The following HDAC9 variants were observed in gnomAD, a reference collection of about 807,000 sequenced individuals.
HDAC9 encodes MEF-2 interacting transcription repressor (MITR) protein.
HDAC9 carries 41 observed loss-of-function variants against 139.4 expected under a neutral mutation model. The observed-to-expected ratio is 0.29, with a 90% CI of 0.23 to 0.38. HDAC9 has a LOEUF of 0.38. Ranked by LOEUF, HDAC9 falls within the 10% of genes least tolerant of loss-of-function variation. HDAC9 has a pLI of 1.00. For synonymous variants in HDAC9, 517 were observed against 476.2 expected (o/e 1.09, Z -1.12); for missense variants, 1,147 against 1,297.0 (o/e 0.88, Z 1.78).
In HDAC9 at chr7:18,999,641, G is replaced by T. The variant is rs1344746608; in HGVS notation, c.*3579G>T. On this transcript the variant is annotated 3_prime_UTR_variant, in exon 26 of 26. Coordinates refer to ENST00000686413, the MANE Select transcript of HDAC9 (RefSeq NM_178425.4). ...TTTAGTAGAGACGGGGTTTCTCCAT[G>T]TTGGTCAGGCTGGTCTCAAACTCCC... The T allele has an allele frequency of 6.6e-6, 1 of 152,110 alleles. No homozygotes were observed. Among genetic ancestry groups the T allele is most frequent in the Admixed American group, 6.6e-5 (1 of 15,260 alleles). 9.4% of individuals were successfully genotyped at this position (152,110 alleles called of 1,614,324 possible). A position where few individuals can be genotyped will look rare whatever the true frequency, so the allele number is the denominator to read the frequency against.
intron 2 of HDAC9, among the ~76,000 whole-genome samples, chr7:18,191,968 C>T (rs985013459): frequency 1.1e-4 from 17 of 152,136 alleles, no homozygotes; most frequent in East Asian, 1.9e-4. Context: ...TAAGCTATGA[C>T]GAGAAGACAT....
chr7:18,811,024 T>C (rs189945934), intron 17 of HDAC9, among the ~76,000 whole-genome samples: 1 of 152,014 alleles, frequency 6.6e-6, no homozygotes, highest in East Asian at 1.9e-4. Context: ...ACAGCTTAAC[T>C]GTATGTGTAT....
At chr7:18,467,980 GT>G (rs1430662533) in intron 1 of HDAC9, among the ~76,000 whole-genome samples, 1 of 152,020 alleles carries the variant, frequency 6.6e-6, no homozygotes, top group Non-Finnish European at 1.5e-5. Flanking sequence ...GGTTATATCT[GT>G]TTTTTTCTTC....
chr7:18,471,084 C>T lies in HDAC9; in HGVS notation c.-41-25178C>T, dbSNP rs114009459. Among the ~76,000 whole-genome samples, 1,080 of 151,352 alleles carry T rather than the reference C, an allele frequency of 7.1e-3. 11 individuals are homozygous for T. The highest frequency in any genetic ancestry group is 0.025 in the African/African-American group (1,019 of 41,206). On this transcript the variant is annotated intron_variant, in intron 1 of 3. Coordinates refer to the HDAC9 transcript ENST00000413509. Reference sequence around the variant, plus strand: ...GGAACCTCTGTTTCAAATAATTGACCGAGAAAATATGAAGGGTAAGTTTCT... The same window carrying T: ...GGAACCTCTGTTTCAAATAATTGACTGAGAAAATATGAAGGGTAAGTTTCT...
intron 1 of HDAC9, among the ~76,000 whole-genome samples, chr7:18,326,757 TAAGCTATTTCTTTCTAG>T (rs1299740505): frequency 2.0e-5 from 3 of 152,038 alleles, no homozygotes; most frequent in Non-Finnish European, 4.4e-5. Context: ...TCTATCTTTG[TAAGCTATTTCTTTCTAG>T]AAGCTATTTC....
At chr7:18,992,992 A>T (rs1295358437) in intron 25 of HDAC9, among the ~76,000 whole-genome samples, 1 of 152,208 alleles carries the variant, frequency 6.6e-6, no homozygotes, top group African/African-American at 2.4e-5. Context: ...GTAGACATGT[A>T]TCTAGGGATG....
chr7:18,263,751 G>A (rs537881810), intron 2 of HDAC9, among the ~76,000 whole-genome samples: 1 of 152,054 alleles, frequency 6.6e-6, no homozygotes, highest in Admixed American at 6.6e-5. Flanking sequence ...TGTAACTACA[G>A]ACATGTGCCA....
chr7:18,424,924 ATAATAG>A (rs1294144247), intron 1 of HDAC9, among the ~76,000 whole-genome samples: 2 of 152,170 alleles, frequency 1.3e-5, no homozygotes. Context: ...AATAATTAAA[ATAATAG>A]TAATAAGAAT....
intron 25 of HDAC9, among the ~76,000 whole-genome samples, chr7:18,987,298 G>A (rs953040088): frequency 2.6e-5 from 4 of 152,142 alleles, no homozygotes; most frequent in African/African-American, 9.7e-5. Flanking sequence ...TTTTGTCAGA[G>A]GCCTTTTCTG....
intron 2 of HDAC9, among the ~76,000 whole-genome samples, chr7:18,254,700 G>C (rs1434285645): frequency 6.6e-6 from 1 of 152,160 alleles, no homozygotes; most frequent in Non-Finnish European, 1.5e-5. Flanking sequence ...AATAAAATAA[G>C]TGTTCTGAAG....
intron 19 of HDAC9, among the ~76,000 whole-genome samples, chr7:18,832,218 G>A (rs1314350688): frequency 6.6e-6 from 1 of 152,146 alleles, no homozygotes; most frequent in Non-Finnish European, 1.5e-5. Flanking sequence ...TAGGTAATGT[G>A]ACTTTTATTT....
intron 1 of HDAC9, among the ~76,000 whole-genome samples, chr7:18,140,918 T>G (rs1329441776): frequency 6.6e-6 from 1 of 152,004 alleles, no homozygotes; most frequent in Non-Finnish European, 1.5e-5. Flanking sequence ...GTTTTTTTTT[T>G]TTTTTTAAAG....
chr7:18,634,453 G>A (rs1416166577), intron 7 of HDAC9, among the ~76,000 whole-genome samples, 174 bp from the exon 8 acceptor site: 1 of 151,806 alleles, frequency 6.6e-6, no homozygotes, highest in African/African-American at 2.4e-5. Flanking sequence ...GGAGGAATAA[G>A]TGGTATGAAA....
At chr7:18,287,682 G>T (rs113155156), upstream of HDAC9, among the ~76,000 whole-genome samples, 1 of 152,176 alleles carries the variant, frequency 6.6e-6, no homozygotes, top group South Asian at 2.1e-4. Flanking sequence ...TTCCTGCCCT[G>T]GTCTCCTTCA....
chr7:18,157,356 G>T (rs1787288668), intron 1 of HDAC9, among the ~76,000 whole-genome samples: 1 of 152,118 alleles, frequency 6.6e-6, no homozygotes, highest in Non-Finnish European at 1.5e-5. Flanking sequence ...ATGAGGGAAA[G>T]AAGGAAGAAG....
intron 1 of HDAC9, among the ~76,000 whole-genome samples, chr7:18,133,849 C>T (rs778058779): frequency 6.6e-6 from 1 of 151,892 alleles, no homozygotes; most frequent in Non-Finnish European, 1.5e-5. Context: ...CATGGCGTTA[C>T]ATTTTACTTT....
chr7:18,124,019 C>G (rs1784511506), intron 1 of HDAC9, among the ~76,000 whole-genome samples: 2 of 152,170 alleles, frequency 1.3e-5, no homozygotes, highest in African/African-American at 4.8e-5. Context: ...AGCCCCACCT[C>G]CAGCAGGTTT....
intron 2 of HDAC9, among the ~76,000 whole-genome samples, chr7:18,206,756 C>T (rs1791539111): frequency 6.6e-6 from 1 of 152,022 alleles, no homozygotes; most frequent in African/African-American, 2.4e-5. Flanking sequence ...AGGGGTGCAT[C>T]ATGCTTTTTG....
chr7:18,645,801 A>G (rs113028336), intron 9 of HDAC9, among the ~76,000 whole-genome samples: 1 of 152,170 alleles, frequency 6.6e-6, no homozygotes, highest in Non-Finnish European at 1.5e-5. Flanking sequence ...CAAGTCTTCC[A>G]CTGAGTTGAA....
Sources: allele counts gnomAD v4.1 joint callset (sites outside exome capture counted in the v4.1 genomes callset), GRCh38; gene constraint gnomAD v4.1.1; transcripts MANE v1.5; gene names NCBI Gene and HGNC (gene_info 2026-07-23, HGNC 2026-07-21).